The following RNF144A variants were observed in gnomAD, a reference collection of about 807,000 sequenced individuals.
The protein encoded by RNF144A is E3 ubiquitin-protein ligase RNF144A.
Under a neutral mutation model 38.7 loss-of-function variants are expected in RNF144A, and 11 were observed. That is an observed-to-expected ratio of 0.28 (90% confidence interval 0.18 to 0.47). The LOEUF is 0.47. RNF144A is among the 20% of genes least tolerant of loss of function. RNF144A has a pLI of 0.99. For synonymous variants in RNF144A, 149 were observed against 143.9 expected (o/e 1.04, Z -0.25); for missense variants, 316 against 377.2 (o/e 0.84, Z 1.34).
intron 1 of RNF144A, among the ~76,000 whole-genome samples, chr2:6,940,285 A>G (rs561404335): frequency 6.6e-6 from 1 of 152,234 alleles, no homozygotes; most frequent in South Asian, 2.1e-4. Flanking sequence ...CAGATCTTAC[A>G]CATCTTTTGT....
intron 5 of RNF144A, among the ~76,000 whole-genome samples, chr2:7,017,903 C>T (rs184430856): frequency 1.1e-4 from 17 of 152,310 alleles, no homozygotes; most frequent in Non-Finnish European, 1.9e-4. Context: ...GGAATCTCTC[C>T]ATGTGAGGAC....
At chr2:6,991,914 A>G (rs1669409798) in intron 2 of RNF144A, among the ~76,000 whole-genome samples, 1 of 152,174 alleles carries the variant, frequency 6.6e-6, no homozygotes, top group African/African-American at 2.4e-5. Context: ...CCTACCCTTG[A>G]ATAATGTATC....
chr2:7,075,799 A>G, the RNF144A span, among the ~76,000 whole-genome samples: 1 of 152,168 alleles, frequency 6.6e-6, no homozygotes, highest in Non-Finnish European at 1.5e-5. Flanking sequence ...CACTTCCACT[A>G]TATGCTACTG....
At chr2:6,945,262 G>T (rs72781731) in intron 2 of RNF144A, among the ~76,000 whole-genome samples, 7,051 of 152,326 alleles carry the variant, frequency 0.046, 224 homozygotes, top group Non-Finnish European at 0.073. Context: ...AGTTCCTAAT[G>T]TGTAGAAATG....
intron 3 of RNF144A, among the ~76,000 whole-genome samples, chr2:7,012,664 T>C (rs1670894174): frequency 6.6e-6 from 1 of 152,240 alleles, no homozygotes; most frequent in Admixed American, 6.5e-5. Flanking sequence ...AGAACCAGGC[T>C]GCAGCCCTGC....
In RNF144A at chr2:7,041,706, G is replaced by A. The variant is rs539048126; in HGVS notation, c.*1946G>A. 108 of 985,456 alleles carry A rather than the reference G, an allele frequency of 1.1e-4. No homozygotes were observed. In the African/African-American group the frequency reaches 1.7e-3, roughly 16 times the overall value. The allele number at this position is 985,456 out of a possible 1,614,324, so 61.0% of individuals were successfully genotyped here. ...CATGCCCAGCACACATGGGAGGCCT[G>A]TGGCCCTGTGTCCAGTGGCCCACAG... On this transcript the variant is annotated 3_prime_UTR_variant, in exon 9 of 9. Transcript: ENST00000320892.
intron 3 of RNF144A, among the ~76,000 whole-genome samples, chr2:6,997,402 A>G (rs561324755): frequency 8.5e-5 from 13 of 152,258 alleles, no homozygotes; most frequent in Non-Finnish European, 1.8e-4. Flanking sequence ...TAATAGTCAC[A>G]TGTCTGAGGT....
intron 6 of RNF144A, among the ~76,000 whole-genome samples, chr2:7,063,223 G>C (rs1674049311): frequency 6.6e-6 from 1 of 152,200 alleles, no homozygotes; most frequent in Non-Finnish European, 1.5e-5. Context: ...TTGAAGAAAA[G>C]AGGACATATT....
chr2:7,025,944 A>T (rs1338405526), intron 7 of RNF144A, among the ~76,000 whole-genome samples: 1 of 152,194 alleles, frequency 6.6e-6, no homozygotes, highest in African/African-American at 2.4e-5. Flanking sequence ...TCATCTGTCC[A>T]GAGACTGTTC....
At chr2:7,060,758 C>T (rs1377566792) in intron 6 of RNF144A, among the ~76,000 whole-genome samples, 2 of 152,214 alleles carry the variant, frequency 1.3e-5, no homozygotes, top group African/African-American at 4.8e-5. Context: ...TCAGATGCCC[C>T]ATCTTACATA....
intron 2 of RNF144A, among the ~76,000 whole-genome samples, chr2:6,979,603 A>G (rs1359652990): frequency 1.3e-5 from 2 of 151,972 alleles, no homozygotes; most frequent in African/African-American, 4.8e-5. Flanking sequence ...TAGCAATTAC[A>G]TCTTTGGTGG....
intron 1 of RNF144A, among the ~76,000 whole-genome samples, chr2:6,935,549 G>A (rs1665516905): frequency 6.6e-6 from 1 of 152,114 alleles, no homozygotes; most frequent in African/African-American, 2.4e-5. Flanking sequence ...TTGGCTTCCA[G>A]TGTTAATGGT....
At chr2:7,070,922 G>A (rs917044855), downstream of RNF144A, among the ~76,000 whole-genome samples, 2 of 141,858 alleles carry the variant, frequency 1.4e-5, no homozygotes, top group Non-Finnish European at 1.5e-5. Context: ...TTTTGAGATT[G>A]CTTTGCTGAG....
intron 6 of RNF144A, among the ~76,000 whole-genome samples, chr2:7,051,302 C>T (rs959975509): frequency 6.6e-6 from 1 of 152,114 alleles, no homozygotes. Context: ...CAGAGCTGAG[C>T]TCCAGTAGGG....
At chr2:6,932,626 G>A (rs996854407) in intron 1 of RNF144A, among the ~76,000 whole-genome samples, 6 of 151,878 alleles carry the variant, frequency 4.0e-5, no homozygotes, top group Admixed American at 2.0e-4. Flanking sequence ...TTCTCATTTT[G>A]TGCCTAATTT....
intron 1 of RNF144A, among the ~76,000 whole-genome samples, chr2:6,931,607 G>T (rs1665214611): frequency 6.6e-6 from 1 of 152,178 alleles, no homozygotes; most frequent in African/African-American, 2.4e-5. Flanking sequence ...ATGAAATAAT[G>T]CCATATTTCC....
At chr2:7,045,921 CA>C (rs1383414604), downstream of RNF144A, among the ~76,000 whole-genome samples, 1 of 152,236 alleles carries the variant, frequency 6.6e-6, no homozygotes, top group African/African-American at 2.4e-5. Context: ...AAAACACTGC[CA>C]AAAAACAATG....
intron 1 of RNF144A, among the ~76,000 whole-genome samples, chr2:6,940,109 A>G (rs2103295366): frequency 6.6e-6 from 1 of 152,308 alleles, no homozygotes; most frequent in African/African-American, 2.4e-5. Context: ...TGTGATTTTA[A>G]TAGCAATTAC....
chr2:7,066,254 A>AT (rs1416097177), intron 6 of RNF144A, among the ~76,000 whole-genome samples: 3 of 151,752 alleles, frequency 2.0e-5, no homozygotes, highest in African/African-American at 7.3e-5. Context: ...CGCCCAGCTA[A>AT]TTTTTTGTAT....
Sources: gnomAD v4.1 joint callset for allele counts (sites outside exome capture counted in the v4.1 genomes callset) on GRCh38, gnomAD v4.1.1 for gene constraint, MANE v1.5 for transcripts, NCBI Gene and HGNC (gene_info 2026-07-23, HGNC 2026-07-21) for gene names.